PRUNE2: variants seen among roughly 807,000 people sequenced by gnomAD.
PRUNE2 encodes the protein prune homolog 2 with BCH domain.
In PRUNE2, 164 loss-of-function variants were observed where a neutral mutation model predicts 252.0. The observed-to-expected ratio is 0.65, with a 90% CI of 0.57 to 0.74. PRUNE2 has a LOEUF of 0.74. Ranked by LOEUF, PRUNE2 falls within the 30% of genes least tolerant of loss-of-function variation. The probability of loss-of-function intolerance (pLI) is 0.00; values close to 1 mark genes in which losing one functional copy is unlikely to be tolerated. For missense variants in PRUNE2, 3,495 were observed against 3,711.0 expected (o/e 0.94, Z 1.51); for synonymous variants, 1,292 against 1,350.2 (o/e 0.96, Z 0.94).
intron 2 of PRUNE2, among the ~76,000 whole-genome samples, chr9:76,851,357 C>T (rs767514735): frequency 2.0e-5 from 3 of 152,150 alleles, no homozygotes; most frequent in Non-Finnish European, 4.4e-5. Flanking sequence ...ACCATCCTGG[C>T]TAACACGGTG....
chr9:76,761,955 C>T (rs2051772362), intron 6 of PRUNE2, among the ~76,000 whole-genome samples: 1 of 152,122 alleles, frequency 6.6e-6, no homozygotes, highest in Admixed American at 6.5e-5. Context: ...TATTATGTAT[C>T]ATGTATGGTC....
Position 76,709,137 on chromosome 9 carries a change from G to A in PRUNE2, c.3137C>T (p.Thr1046Ile). Residue 1046 changes from threonine (T) to isoleucine (I), a missense_variant, in exon 8 of 19, where the codon ACC becomes ATC. By Grantham distance (89) the Thr-to-Ile change is moderately conservative. Transcript: ENST00000376718. Reference sequence around the variant, plus strand: ...TTCATTTTCATCCAGGTTGTGAGTGGTATTTATTTCAGAACTGTTATCTGT... The same window carrying A: ...TTCATTTTCATCCAGGTTGTGAGTGATATTTATTTCAGAACTGTTATCTGT... ...PHTDNSSEIN[T>I]THNLDENELK... is the part of the protein sequence containing the mutation. 2.5e-6 allele frequency: 4 copies of A among 1,613,928 alleles called. No homozygotes were observed. The highest frequency in any genetic ancestry group is 3.4e-6 in the Non-Finnish European group (4 of 1,179,872).
At chr9:76,670,502 A>C (rs1195440372) in intron 9 of PRUNE2, among the ~76,000 whole-genome samples, 33 of 151,646 alleles carry the variant, frequency 2.2e-4, no homozygotes, top group Middle Eastern at 3.4e-3. Flanking sequence ...CCCAGGCTTG[A>C]TTAGGTAAAC....
intron 12 of PRUNE2, among the ~76,000 whole-genome samples, chr9:76,643,739 A>C (rs550163905): frequency 6.6e-6 from 1 of 152,362 alleles, no homozygotes; most frequent in East Asian, 1.9e-4. Context: ...GGTGGTCCTG[A>C]TACTTATGTG....
At chr9:76,881,213 G>T (rs991186918) in intron 1 of PRUNE2, among the ~76,000 whole-genome samples, 1 of 151,996 alleles carries the variant, frequency 6.6e-6, no homozygotes, top group East Asian at 1.9e-4. Flanking sequence ...TGATCCACCC[G>T]CCTTGGCCTC....
chr9:76,706,179 C>T lies in PRUNE2; in HGVS notation c.6095G>A (p.Gly2032Asp). 1 of 1,613,966 alleles carries T rather than the reference C, an allele frequency of 6.2e-7. No individual in the cohort carries two copies. Reference sequence around the variant, plus strand: ...TGGGGTAGAGCCATCCCATTCAGAGCCTGGCTTCATTATCAGTTGGGTGGG... The same window carrying T: ...TGGGGTAGAGCCATCCCATTCAGAGTCTGGCTTCATTATCAGTTGGGTGGG... ...SSPTQLIMKP[G>D]SEWDGSTPSE... Residue 2032 changes from glycine to aspartate, a missense_variant, in exon 8 of 19, where the codon GGC (glycine) becomes GAC (aspartate). Gly to Asp is a moderately conservative substitution (Grantham distance 94). Transcript: ENST00000376718.
At chr9:76,865,228 C>T (rs1007436837) in intron 1 of PRUNE2, among the ~76,000 whole-genome samples, 2 of 152,182 alleles carry the variant, frequency 1.3e-5, no homozygotes, top group Admixed American at 6.5e-5. Flanking sequence ...AATGGTGGCT[C>T]ATGCCAGTAA....
intron 17 of PRUNE2, among the ~76,000 whole-genome samples, chr9:76,619,981 A>G (rs192449704): frequency 2.0e-5 from 3 of 152,334 alleles, no homozygotes; most frequent in Admixed American, 1.3e-4. Flanking sequence ...ACCTTATAAA[A>G]TAATAAATAA....
chr9:76,765,007 A>G (rs906417850), intron 6 of PRUNE2, among the ~76,000 whole-genome samples: 50 of 152,234 alleles, frequency 3.3e-4, no homozygotes, highest in Non-Finnish European at 7.3e-5. Flanking sequence ...GGTTCTGTTT[A>G]GCACATGTTA....
intron 4 of PRUNE2, among the ~76,000 whole-genome samples, chr9:76,837,961 C>CA (rs1161941505): frequency 6.6e-6 from 1 of 151,644 alleles, no homozygotes; most frequent in Admixed American, 6.6e-5. Flanking sequence ...TTAGTAGAGA[C>CA]GGGGTTTCAC....
chr9:76,637,323 T>C, intron 14 of PRUNE2, 95 bp downstream of exon 14: 3 of 1,198,866 alleles, frequency 2.5e-6, no homozygotes, highest in Non-Finnish European at 3.5e-6. Context: ...GGTTTCTTCT[T>C]GTGTATAATG....
intron 6 of PRUNE2, among the ~76,000 whole-genome samples, chr9:76,750,427 T>C (rs1170704655): frequency 6.6e-6 from 1 of 152,160 alleles, no homozygotes; most frequent in Non-Finnish European, 1.5e-5. Flanking sequence ...AGCAGAGAAT[T>C]GCTTGGTGTG....
At chr9:76,846,434 G>T in intron 4 of PRUNE2, 81 bp downstream of exon 4, 2 of 1,225,860 alleles carry the variant, frequency 1.6e-6, no homozygotes, top group Non-Finnish European at 2.3e-6. Context: ...CCCAAGAATG[G>T]ATCGCATTCT....
intron 15 of PRUNE2, among the ~76,000 whole-genome samples, chr9:76,635,536 T>C (rs374893199): frequency 5.3e-5 from 8 of 152,312 alleles, no homozygotes; most frequent in African/African-American, 1.9e-4. Flanking sequence ...TTTTCAGGTA[T>C]ATTTTTCAGC....
chr9:76,677,242 ACTTTT>A (rs2042753873), intron 9 of PRUNE2, among the ~76,000 whole-genome samples: 2 of 152,164 alleles, frequency 1.3e-5, no homozygotes, highest in Admixed American at 6.5e-5. Context: ...TGTTAGATTT[ACTTTT>A]CTTTTTTCAG....
At chr9:76,899,777 T>C (rs1203393434) in intron 1 of PRUNE2, among the ~76,000 whole-genome samples, 2 of 152,204 alleles carry the variant, frequency 1.3e-5, no homozygotes, top group Non-Finnish European at 2.9e-5. Flanking sequence ...ATACCTGACT[T>C]AGACTCAAGA....
At chr9:76,753,496 A>G (rs1203522745) in intron 6 of PRUNE2, among the ~76,000 whole-genome samples, 1 of 152,126 alleles carries the variant, frequency 6.6e-6, no homozygotes, top group Non-Finnish European at 1.5e-5. Flanking sequence ...ACCTTGTGAA[A>G]CAGATGACCT....
intron 6 of PRUNE2, among the ~76,000 whole-genome samples, chr9:76,736,250 A>G (rs1405539891): frequency 1.3e-5 from 2 of 152,088 alleles, no homozygotes; most frequent in Non-Finnish European, 2.9e-5. Context: ...AAGAGACTCA[A>G]TGTGGGTGTG....
At chr9:76,659,902 T>G (rs928692725) in intron 9 of PRUNE2, among the ~76,000 whole-genome samples, 4 of 151,074 alleles carry the variant, frequency 2.6e-5, no homozygotes, top group African/African-American at 9.7e-5. Flanking sequence ...AATAAAATAA[T>G]ACTATTAAAT....
Sources: allele counts gnomAD v4.1 joint callset (sites outside exome capture counted in the v4.1 genomes callset), GRCh38; gene constraint gnomAD v4.1.1; transcripts MANE v1.5; gene names NCBI Gene and HGNC (gene_info 2026-07-23, HGNC 2026-07-21).